Variants in CNTNAP2 observed in about 807,000 individuals in gnomAD.
CNTNAP2 encodes contactin-associated protein-like 2.
Under a neutral mutation model 155.2 loss-of-function variants are expected in CNTNAP2, and 98 were observed. The observed-to-expected ratio is 0.63, with a 90% CI of 0.54 to 0.75. CNTNAP2 has a LOEUF of 0.75. Ranked by LOEUF, CNTNAP2 falls within the 30% of genes least tolerant of loss-of-function variation. The pLI is 0.00. For missense variants in CNTNAP2, 1,727 were observed against 1,688.1 expected (o/e 1.02, Z -0.40); for synonymous variants, 651 against 631.2 (o/e 1.03, Z -0.47).
chr7:146,939,544 G>A (rs1313515426), intron 3 of CNTNAP2, among the ~76,000 whole-genome samples: 1 of 152,120 alleles, frequency 6.6e-6, no homozygotes, highest in East Asian at 1.9e-4. Context: ...CAATAGCTGT[G>A]GGAATGTGAT....
chr7:147,706,590 C>T (rs540693401), intron 13 of CNTNAP2, among the ~76,000 whole-genome samples: 2 of 152,230 alleles, frequency 1.3e-5, no homozygotes, highest in African/African-American at 4.8e-5. Context: ...GACAGTTTGA[C>T]TATAATGTGC....
At chr7:146,958,973 C>T (rs1312349191) in intron 3 of CNTNAP2, among the ~76,000 whole-genome samples, 1 of 151,758 alleles carries the variant, frequency 6.6e-6, no homozygotes, top group African/African-American at 2.4e-5. Flanking sequence ...CCATGATTTC[C>T]ATAGCTCTTT....
At chr7:147,019,661 T>C (rs761089957) in intron 3 of CNTNAP2, among the ~76,000 whole-genome samples, 1 of 152,106 alleles carries the variant, frequency 6.6e-6, no homozygotes, top group Non-Finnish European at 1.5e-5. Context: ...GGCAGAAATC[T>C]AGGTAGAAGG....
At chr7:146,756,702 A>G (rs1802001230) in intron 1 of CNTNAP2, among the ~76,000 whole-genome samples, 3 of 152,196 alleles carry the variant, frequency 2.0e-5, no homozygotes, top group Admixed American at 2.0e-4. Context: ...AATGAGAAGT[A>G]GACCAAAATG....
At chr7:146,499,083 C>T (rs1797262468) in intron 1 of CNTNAP2, among the ~76,000 whole-genome samples, 1 of 152,190 alleles carries the variant, frequency 6.6e-6, no homozygotes, top group South Asian at 2.1e-4. Context: ...ATTATCTGTA[C>T]TCTGCCAATG....
intron 3 of CNTNAP2, among the ~76,000 whole-genome samples, chr7:146,980,575 C>T (rs917420202): frequency 2.6e-5 from 4 of 152,114 alleles, no homozygotes; most frequent in African/African-American, 9.7e-5. Flanking sequence ...GTGGTACAAA[C>T]ATCTGTTTCT....
chr7:146,382,839 C>A (rs1584899192), intron 1 of CNTNAP2, among the ~76,000 whole-genome samples: 1 of 151,862 alleles, frequency 6.6e-6, no homozygotes, highest in Non-Finnish European at 1.5e-5. Flanking sequence ...TATTCTATAG[C>A]CAAATGAAAT....
chr7:148,008,450 GTAAT>G (rs1802017921), intron 15 of CNTNAP2, among the ~76,000 whole-genome samples: 2 of 152,204 alleles, frequency 1.3e-5, no homozygotes, highest in Admixed American at 1.3e-4. Context: ...TCTGTCAAGA[GTAAT>G]TAGAACCTGC....
chr7:148,338,456 A>G (rs1402428164), intron 21 of CNTNAP2, among the ~76,000 whole-genome samples: 3 of 151,954 alleles, frequency 2.0e-5, no homozygotes, highest in South Asian at 2.1e-4. Context: ...TTTCTCTCCC[A>G]TGGACAAACT....
intron 1 of CNTNAP2, among the ~76,000 whole-genome samples, chr7:146,260,821 T>C (rs1041260279): frequency 1.3e-5 from 2 of 152,198 alleles, no homozygotes; most frequent in Admixed American, 6.5e-5. Context: ...AGTTAATACT[T>C]TAGGGGACTG....
intron 11 of CNTNAP2, among the ~76,000 whole-genome samples, chr7:147,487,382 A>C (rs1798528617): frequency 1.3e-5 from 2 of 152,206 alleles, no homozygotes; most frequent in Admixed American, 6.5e-5. Flanking sequence ...TTATAACTAA[A>C]ATTGTTCCTT....
chr7:146,641,718 G>T (rs61134041), intron 1 of CNTNAP2, among the ~76,000 whole-genome samples: 2 of 152,070 alleles, frequency 1.3e-5, no homozygotes, highest in African/African-American at 2.4e-5. Flanking sequence ...CAGGTGTTTC[G>T]GAGGAGAGAG....
intron 21 of CNTNAP2, among the ~76,000 whole-genome samples, chr7:148,340,056 G>C (rs1443754400): frequency 6.6e-6 from 1 of 151,404 alleles, no homozygotes; most frequent in Non-Finnish European, 1.5e-5. Flanking sequence ...AATGTTAACA[G>C]TTAAATCCCA....
At chr7:147,562,902 A>G (rs151215170) in intron 12 of CNTNAP2, among the ~76,000 whole-genome samples, 53 of 152,342 alleles carry the variant, frequency 3.5e-4, no homozygotes, top group Middle Eastern at 3.4e-3. Context: ...CTTACGCTTC[A>G]AAAATCCAGA....
At chr7:146,288,740 A>G (rs1456014763) in intron 1 of CNTNAP2, among the ~76,000 whole-genome samples, 1 of 149,908 alleles carries the variant, frequency 6.7e-6, no homozygotes, top group African/African-American at 2.5e-5. Context: ...TCACTTAATT[A>G]CTTTTGTAAT....
chr7:148,260,821 C>T (rs536999716), intron 20 of CNTNAP2, among the ~76,000 whole-genome samples: 6 of 152,194 alleles, frequency 3.9e-5, no homozygotes, highest in Admixed American at 2.6e-4. Flanking sequence ...ACAGAGGAAA[C>T]GCAAGCCAAT....
chr7:147,484,715 G>C (rs1161452767), intron 10 of CNTNAP2, among the ~76,000 whole-genome samples: 1 of 152,204 alleles, frequency 6.6e-6, no homozygotes, highest in Non-Finnish European at 1.5e-5. Flanking sequence ...GTGGTAAATT[G>C]AGAACAGGAG....
intron 10 of CNTNAP2, among the ~76,000 whole-genome samples, chr7:147,461,799 A>G (rs988928989): frequency 6.6e-6 from 1 of 152,286 alleles, no homozygotes; most frequent in African/African-American, 2.4e-5. Context: ...CAGTAGAATC[A>G]TTGGTGCAGT....
At chr7:147,081,204 T>C (rs1373166422) in intron 4 of CNTNAP2, 2 of 152,050 alleles carry the variant, frequency 1.3e-5, no homozygotes, top group African/African-American at 2.4e-5. Context: ...GAAAGAATGA[T>C]TGTGAATTTA....
Sources: allele counts gnomAD v4.1 joint callset (sites outside exome capture counted in the v4.1 genomes callset), GRCh38; gene constraint gnomAD v4.1.1; transcripts MANE v1.5; gene names NCBI Gene and HGNC (gene_info 2026-07-23, HGNC 2026-07-21).